Variants in MR1 observed in about 807,000 individuals in gnomAD.
MR1 encodes the protein major histocompatibility complex, class I-related.
Under a neutral mutation model 37.8 loss-of-function variants are expected in MR1, and 44 were observed. The ratio of observed to expected loss-of-function variants is 1.16; its 90% CI spans 0.91 to 1.50. The LOEUF (loss-of-function observed/expected upper bound fraction) is 1.50, where lower values mean the gene tolerates loss of function less well. Among genes scored for constraint, MR1 ranks in the 40% most tolerant of loss-of-function variants. MR1 has a pLI of 0.00. For synonymous variants in MR1, 153 were observed against 155.8 expected (o/e 0.98, Z 0.13); for missense variants, 386 against 419.1 (o/e 0.92, Z 0.69).
chr1:181,036,893 A>T (rs1657302303), intron 1 of MR1: 1 of 152,248 alleles, frequency 6.6e-6, no homozygotes, highest in South Asian at 2.1e-4. Context: ...GAGCTCGGGC[A>T]GTAATAACGA....
rs1156579204 is a variant in MR1 at position 181,050,292 on chromosome 1, G to C, written c.604+6G>C. ...AGACACCCTACAAAGAACAGGTAAA[G>C]AGAAAGAGAAGGCCTCATTCCCACA... is the stretch of plus-strand genomic sequence containing the variant. On this transcript the variant is annotated splice_donor_region_variant and intron_variant, in intron 3 of 5. Transcript: ENST00000367580. 3 of 1,614,036 alleles carry C rather than the reference G, an allele frequency of 1.9e-6. No individual in the cohort carries two copies. Among genetic ancestry groups the C allele is most frequent in the African/African-American group, 1.3e-5 (1 of 74,948 alleles).
chr1:181,048,972 G>A (rs940603212), intron 1 of MR1, 80 bp from the exon 2 acceptor site: 103 of 1,537,878 alleles, frequency 6.7e-5, no homozygotes, highest in Admixed American at 2.2e-4. Context: ...GGGAGCACTC[G>A]TGTGGGGCTA....
At position 181,058,905 on chromosome 1, in the gene MR1, C is replaced by A. The variant is rs1658772428; in HGVS notation, c.*3640C>A. The A allele has an allele frequency of 6.6e-6, 1 of 152,256 alleles. No homozygotes were observed. The highest frequency in any genetic ancestry group is 2.4e-5 in the African/African-American group (1 of 41,464). 9.4% of individuals were successfully genotyped at this position (152,256 alleles called of 1,614,324 possible). On this transcript the variant is annotated 3_prime_UTR_variant, in exon 6 of 6. Coordinates refer to ENST00000367580, the MANE Select transcript of MR1 (RefSeq NM_001385161.1). The stretch of plus-strand genomic sequence containing the variant: ...TCAGTACACCTTCCAGCAGGAAAAT[C>A]TACATAAGAACAACTAAATCACAAT...
intron 5 of MR1, among the ~76,000 whole-genome samples, chr1:181,054,364 G>A (rs573030633): frequency 8.3e-4 from 126 of 152,268 alleles, no homozygotes; most frequent in African/African-American, 2.5e-3. Context: ...GCCTGGTAAG[G>A]TTATCTCCTG....
intron 5 of MR1, 147 bp downstream of exon 5, chr1:181,053,824 C>T: frequency 1.1e-5 from 7 of 625,722 alleles, no homozygotes; most frequent in South Asian, 6.0e-5. Context: ...ACAACCCTCC[C>T]ACCATGTAGG....
chr1:181,049,376 T>C, intron 2 of MR1, 64 bp downstream of exon 2: 1 of 1,534,334 alleles, frequency 6.5e-7, no homozygotes, highest in Non-Finnish European at 8.8e-7. Context: ...ACCCCTGGGC[T>C]GGCCTCCAAT....
intron 3 of MR1, among the ~76,000 whole-genome samples, chr1:181,051,983 C>T (rs1019827056): frequency 1.3e-4 from 20 of 152,200 alleles, no homozygotes; most frequent in Non-Finnish European, 2.5e-4. Flanking sequence ...TCCAAACAGT[C>T]AAAGCTGTAT....
intron 3 of MR1, chr1:181,050,553 TC>T: frequency 2.2e-6 from 1 of 447,952 alleles, no homozygotes; most frequent in East Asian, 4.3e-5. Context: ...GGCAAATTCT[TC>T]CATTCCGTCA....
At chr1:181,051,452 C>A (rs6667601) in intron 3 of MR1, among the ~76,000 whole-genome samples, 3,062 of 152,192 alleles carry the variant, frequency 0.02, 94 homozygotes, top group African/African-American at 0.07. Context: ...AGTGAAGGCT[C>A]TTCTCCGTAT....
intron 1 of MR1, among the ~76,000 whole-genome samples, chr1:181,039,738 C>T (rs758721792): frequency 2.1e-4 from 32 of 151,008 alleles, no homozygotes; most frequent in African/African-American, 5.1e-4. Flanking sequence ...TAGTGGTGGG[C>T]GCCTATAATC....
At chr1:181,043,144 C>A (rs1436169470) in intron 1 of MR1, among the ~76,000 whole-genome samples, 7 of 152,310 alleles carry the variant, frequency 4.6e-5, no homozygotes, top group Non-Finnish European at 1.0e-4. Flanking sequence ...TATGAAGAGG[C>A]TCTCATGACT....
At chr1:181,051,543 G>T (rs1658324001) in intron 3 of MR1, among the ~76,000 whole-genome samples, 1 of 152,110 alleles carries the variant, frequency 6.6e-6, no homozygotes, top group East Asian at 1.9e-4. Context: ...TAGTGCCTTT[G>T]GTCTCGGTAT....
intron 1 of MR1, among the ~76,000 whole-genome samples, chr1:181,039,469 A>G (rs1020566319): frequency 6.6e-6 from 1 of 152,206 alleles, no homozygotes; most frequent in Non-Finnish European, 1.5e-5. Context: ...TAGCTCCCCA[A>G]TAATACTGTA....
rs1267745372 is a variant in MR1, at chr1:181,047,661, GC to G, written c.68-1389del. 7.3e-5 allele frequency among the ~76,000 whole-genome samples: 11 copies of G among 151,692 alleles called. No individual in the cohort carries two copies. In the East Asian group the frequency reaches 2.1e-3, roughly 29 times the overall value. ...GCCCATAATCCCAGCACTTTGGGAG[GC>G]CAAGGCAGGCGGATCACGAGGTCAG... On this transcript the variant is annotated intron_variant, in intron 1 of 5. Coordinates refer to ENST00000367580, the MANE Select transcript of MR1 (RefSeq NM_001385161.1).
intron 1 of MR1, among the ~76,000 whole-genome samples, chr1:181,044,215 G>A (rs763081292): frequency 2.6e-5 from 4 of 152,002 alleles, no homozygotes; most frequent in Non-Finnish European, 4.4e-5. Flanking sequence ...CGCCCGCGTC[G>A]GCCTCCCAAA....
chr1:181,043,624 C>T (rs981231488), intron 1 of MR1, among the ~76,000 whole-genome samples: 1 of 152,112 alleles, frequency 6.6e-6, no homozygotes, highest in Non-Finnish European at 1.5e-5. Context: ...ACCACTTAAG[C>T]CCAGGAATTC....
chr1:181,049,139 C>T lies in MR1; in HGVS notation c.155C>T (p.Ser52Leu), dbSNP rs558849663. ...PEFISVGYVDSHPITTYDSVT... is the reference protein window; with the variant it reads ...PEFISVGYVDLHPITTYDSVT... Reference sequence around the variant, plus strand: ...TTTATTTCGGTTGGGTACGTGGACTCGCACCCTATCACCACATATGACAGT... The same window carrying T: ...TTTATTTCGGTTGGGTACGTGGACTTGCACCCTATCACCACATATGACAGT... The change falls in exon 2 of 6, where the codon TCG becomes TTG. Residue 52 changes from serine to leucine, a missense_variant. By Grantham distance (145) the Ser-to-Leu change is moderately radical (BLOSUM62 -2). Coordinates refer to ENST00000367580, the MANE Select transcript of MR1 (RefSeq NM_001385161.1). The T allele has an allele frequency of 3.6e-5, 58 of 1,614,170 alleles. No homozygotes were observed. The East Asian group carries it at 4.2e-4, about 12-fold the overall frequency.
At chr1:181,043,835 G>A (rs3845422) in intron 1 of MR1, among the ~76,000 whole-genome samples, 44,990 of 151,802 alleles carry the variant, frequency 0.3, 7,640 homozygotes, top group African/African-American at 0.47. Context: ...GGTCAGTTCT[G>A]AAAGATAACC....
chr1:181,059,415 C>G lies in MR1; in HGVS notation c.*4150C>G, dbSNP rs955073832. The G allele has an allele frequency of 6.6e-6, 1 of 152,238 alleles. No individual in the cohort carries two copies. Among genetic ancestry groups the G allele is most frequent in the Non-Finnish European group, 1.5e-5 (1 of 68,058 alleles). The allele number at this position is 152,238 out of a possible 1,614,324, so 9.4% of individuals were successfully genotyped here. On this transcript the variant is annotated 3_prime_UTR_variant, in exon 6 of 6. Transcript: ENST00000367580. ...AAACCCAAAACCTATTGGTTTAAAA[C>G]AATACCCATTTTATTTTCTTTCATA... is the stretch of plus-strand genomic sequence containing the variant.
Sources: allele counts gnomAD v4.1 joint callset (sites outside exome capture counted in the v4.1 genomes callset), GRCh38; gene constraint gnomAD v4.1.1; transcripts MANE v1.5; gene names NCBI Gene and HGNC (gene_info 2026-07-23, HGNC 2026-07-21).